LRIG1: variants seen among roughly 807,000 people sequenced by gnomAD.
LRIG1 encodes the protein leucine rich repeats and immunoglobulin like domains 1, also known as leucine-rich repeats and immunoglobulin-like domains protein 1.
LRIG1 carries 48 observed loss-of-function variants against 99.2 expected under a neutral mutation model. That is an observed-to-expected ratio of 0.48 (90% confidence interval 0.38 to 0.62). LRIG1 has a LOEUF of 0.62. Ranked by LOEUF, LRIG1 falls within the 20% of genes least tolerant of loss-of-function variation. The pLI is 0.00. For synonymous variants in LRIG1, 772 were observed against 596.1 expected (o/e 1.29, Z -4.30); for missense variants, 1,646 against 1,434.4 (o/e 1.15, Z -2.38).
rs187975131 is a variant in LRIG1 at position 66,409,353 on chromosome 3, C to T, written c.935+776G>A. ...CCTTAGGAATGCTGCGTTCACTGTC[C>T]AGTAACCCCACCCTGACATGATGGG... is the stretch of plus-strand genomic sequence containing the variant. On this transcript the variant is annotated intron_variant, in intron 7 of 18. Transcript: ENST00000273261. Among the ~76,000 whole-genome samples the T allele has an allele frequency of 7.7e-4, 117 of 152,306 alleles. No individual in the cohort carries two copies. In the East Asian group the frequency reaches 0.018, roughly 23 times the overall value.
intron 1 of LRIG1, among the ~76,000 whole-genome samples, chr3:66,491,162 G>A (rs1414494815): frequency 6.6e-6 from 1 of 152,192 alleles, no homozygotes; most frequent in Non-Finnish European, 1.5e-5. Flanking sequence ...GCAGCCTCAA[G>A]TAGCCACAGC....
chr3:66,386,456 G>C (rs1701381227), intron 12 of LRIG1, 155 bp from the exon 13 acceptor site: 2 of 644,214 alleles, frequency 3.1e-6, no homozygotes, highest in Non-Finnish European at 2.7e-6. Context: ...GATGCCGTAA[G>C]AGTTGCACCA....
rs567209670 is a variant in LRIG1, at chr3:66,489,382, T to C, written c.218+10808A>G. Reference sequence around the variant, plus strand: ...TCACAAAAAATAAAAACTAGCCAGGTGTGGTGGCACATGCCTGTAGTCCTA... The same window carrying C: ...TCACAAAAAATAAAAACTAGCCAGGCGTGGTGGCACATGCCTGTAGTCCTA... On this transcript the variant is annotated intron_variant, in intron 1 of 18. Coordinates refer to ENST00000273261, the MANE Select transcript of LRIG1 (RefSeq NM_015541.3). 5.9e-5 allele frequency among the ~76,000 whole-genome samples: 9 copies of C among 152,232 alleles called. No individual in the cohort carries two copies. In the East Asian group the frequency reaches 1.7e-3, roughly 29 times the overall value.
intron 1 of LRIG1, among the ~76,000 whole-genome samples, chr3:66,484,362 G>A (rs1345466543): frequency 6.6e-6 from 1 of 152,212 alleles, no homozygotes. Flanking sequence ...AACAAAGCCA[G>A]TCACTGCATT....
At position 66,500,507 on chromosome 3, in the gene LRIG1, A is replaced by G. The variant is rs1393799530; in HGVS notation, c.-100T>C. 6 of 579,908 alleles carry G rather than the reference A, an allele frequency of 1.0e-5. No homozygotes were observed. In the East Asian group the frequency reaches 2.2e-4, roughly 21 times the overall value. 35.9% of individuals were successfully genotyped at this position (579,908 alleles called of 1,614,324 possible). A position where few individuals can be genotyped will look rare whatever the true frequency, so the allele number is the denominator to read the frequency against. On this transcript the variant is annotated 5_prime_UTR_variant, in exon 1 of 19. Coordinates refer to ENST00000273261, the MANE Select transcript of LRIG1 (RefSeq NM_015541.3). ...CGCGGGGCGCTCCGCTCGGCTCTAG[A>G]CTCCGCACCGGGGCATGGCCCCCGC...
At chr3:66,463,766 A>G (rs543432679) in intron 1 of LRIG1, among the ~76,000 whole-genome samples, 40 of 152,380 alleles carry the variant, frequency 2.6e-4, no homozygotes, top group African/African-American at 9.4e-4. Context: ...AGTGTCACGT[A>G]TTGTGGCAAC....
At chr3:66,383,711 C>T (rs1701222429) in intron 14 of LRIG1, among the ~76,000 whole-genome samples, 1 of 134,610 alleles carries the variant, frequency 7.4e-6, no homozygotes, top group African/African-American at 3.1e-5. Context: ...TTAAAATGTT[C>T]TGTAGCTCTT....
In LRIG1 at chr3:66,500,934, C is replaced by CGCGCGCGCGCGCAGCCTCGGGTT. The variant is rs1320446736; in HGVS notation, c.-550_-528dup. 3.3e-5 allele frequency: 5 copies of CGCGCGCGCGCGCAGCCTCGGGTT among 151,762 alleles called. No individual in the cohort carries two copies. The highest frequency in any genetic ancestry group is 5.9e-5 in the Non-Finnish European group (4 of 67,932). 9.4% of individuals were successfully genotyped at this position (151,762 alleles called of 1,614,324 possible). A position where few individuals can be genotyped will look rare whatever the true frequency, so the allele number is the denominator to read the frequency against. ...GTCCCCACGCCGCGGCCAGAGAGCG[C>CGCGCGCGCGCGCAGCCTCGGGTT]GCGCGCGCGCGCAGCCTCGGGTTCC... On this transcript the variant is annotated 5_prime_UTR_variant, in exon 1 of 19. Transcript: ENST00000273261.
intron 1 of LRIG1, among the ~76,000 whole-genome samples, chr3:66,464,437 C>A (rs1045271304): frequency 6.6e-6 from 1 of 151,924 alleles, no homozygotes; most frequent in Non-Finnish European, 1.5e-5. Context: ...CAGTGCAGAC[C>A]CGTCTTCTCA....
chr3:66,407,786 CACA>C (rs767411330), intron 7 of LRIG1, among the ~76,000 whole-genome samples: 27 of 152,352 alleles, frequency 1.8e-4, no homozygotes, highest in Non-Finnish European at 3.4e-4. Context: ...GGTCATGACA[CACA>C]ACAACTCTCA....
chr3:66,464,680 C>T (rs1488563950), intron 1 of LRIG1, among the ~76,000 whole-genome samples: 1 of 152,106 alleles, frequency 6.6e-6, no homozygotes, highest in Non-Finnish European at 1.5e-5. Context: ...CTCACCAGGT[C>T]TTACGCAATT....
chr3:66,486,372 C>A (rs1442572644), intron 1 of LRIG1, among the ~76,000 whole-genome samples: 1 of 152,162 alleles, frequency 6.6e-6, no homozygotes, highest in African/African-American at 2.4e-5. Flanking sequence ...CTCTTAACCA[C>A]CGTGCGTCAT....
intron 1 of LRIG1, among the ~76,000 whole-genome samples, chr3:66,493,889 G>C (rs1453152346): frequency 6.8e-6 from 1 of 147,158 alleles, no homozygotes; most frequent in Non-Finnish European, 1.5e-5. Context: ...GAGGGAGGGA[G>C]GGAAAGAAGG....
intron 6 of LRIG1, among the ~76,000 whole-genome samples, chr3:66,411,177 G>C (rs1473750508): frequency 6.6e-6 from 1 of 152,198 alleles, no homozygotes; most frequent in Non-Finnish European, 1.5e-5. Context: ...GCATGTGCCA[G>C]GAAGGACAGC....
chr3:66,453,168 G>T (rs375258163), intron 2 of LRIG1, among the ~76,000 whole-genome samples: 1 of 152,128 alleles, frequency 6.6e-6, no homozygotes, highest in Non-Finnish European at 1.5e-5. Flanking sequence ...AGACCCCCAG[G>T]TTTTATCAGA....
At position 66,412,860 on chromosome 3, in the gene LRIG1, TC is replaced by T; in HGVS notation, c.791+10del. On this transcript the variant is annotated intron_variant, in intron 6 of 18. Transcript: ENST00000273261. ...ATCCTTAGCAATGCCAGTAACCTGG[TC>T]CGCACTTACAGCACATGCATCTTGG... 1.2e-6 allele frequency: 2 copies of T among 1,613,850 alleles called. No homozygotes were observed. Among genetic ancestry groups the T allele is most frequent in the Non-Finnish European group, 1.7e-6 (2 of 1,179,864 alleles).
intron 3 of LRIG1, among the ~76,000 whole-genome samples, chr3:66,437,651 T>G (rs570055566): frequency 1.1e-4 from 16 of 152,258 alleles, no homozygotes; most frequent in African/African-American, 3.9e-4. Flanking sequence ...ACCCTTCCAC[T>G]TGGTCCCTCA....
intron 1 of LRIG1, among the ~76,000 whole-genome samples, chr3:66,473,316 A>G (rs1278488489): frequency 2.0e-5 from 3 of 152,192 alleles, no homozygotes; most frequent in Non-Finnish European, 4.4e-5. Context: ...TTGTAAGAAA[A>G]ACCCTTCCTG....
intron 1 of LRIG1, among the ~76,000 whole-genome samples, chr3:66,481,074 C>T (rs1169323764): frequency 6.6e-6 from 1 of 152,250 alleles, no homozygotes; most frequent in Non-Finnish European, 1.5e-5. Context: ...ATAGAAATGG[C>T]CAACGGTCCC....
Sources: gnomAD v4.1 joint callset for allele counts (sites outside exome capture counted in the v4.1 genomes callset) on GRCh38, gnomAD v4.1.1 for gene constraint, MANE v1.5 for transcripts, NCBI Gene and HGNC (gene_info 2026-07-23, HGNC 2026-07-21) for gene names.